RPRD2: variants seen among roughly 807,000 people sequenced by gnomAD.
RPRD2 encodes regulation of nuclear pre-mRNA domain-containing protein 2.
RPRD2 carries 12 observed loss-of-function variants against 104.4 expected under a neutral mutation model. That is an observed-to-expected ratio of 0.11 (90% confidence interval 0.07 to 0.19). The LOEUF is 0.19. Among genes scored for constraint, RPRD2 ranks in the 10% least tolerant of loss-of-function variants. The pLI is 1.00. For missense variants in RPRD2, 1,543 were observed against 1,790.1 expected, an observed-to-expected ratio of 0.86 and a Z score of 2.49; for synonymous variants, 714 against 684.9, an observed-to-expected ratio of 1.04 and a Z score of -0.66.
Position 150,417,737 on chromosome 1 carries a change from T to C in RPRD2, c.335+12T>C, listed in dbSNP as rs782740895. 3 of 1,580,406 alleles carry C rather than the reference T, an allele frequency of 1.9e-6. No homozygotes were observed. Among genetic ancestry groups the C allele is most frequent in the South Asian group, 1.2e-5 (1 of 86,886 alleles). ...GCTGCTCTAGTGAAGTAAGTAAATC[T>C]TTATTGCTCTATGGGATCTAAACTT... On this transcript the variant is annotated intron_variant, in intron 2 of 10. Coordinates refer to ENST00000369068, the MANE Select transcript of RPRD2 (RefSeq NM_015203.5).
intron 9 of RPRD2, among the ~76,000 whole-genome samples, chr1:150,462,344 C>G (rs949060932): frequency 4.6e-5 from 7 of 151,734 alleles, no homozygotes; most frequent in Non-Finnish European, 1.0e-4. Context: ...ACTCATAAGG[C>G]TGAGGCATAA....
chr1:150,377,383 G>C (rs1264457897), intron 1 of RPRD2, among the ~76,000 whole-genome samples: 1 of 151,948 alleles, frequency 6.6e-6, no homozygotes, highest in South Asian at 2.1e-4. Flanking sequence ...GGCGGATCAC[G>C]AGGTCAGGAG....
chr1:150,464,311 T>TA (rs1668123752), intron 9 of RPRD2, among the ~76,000 whole-genome samples: 1 of 151,598 alleles, frequency 6.6e-6, no homozygotes, highest in Non-Finnish European at 1.5e-5. Flanking sequence ...GCCCGGCCAA[T>TA]ACTTGTTTGT....
chr1:150,446,833 C>CGTT (rs1553895589), intron 7 of RPRD2, among the ~76,000 whole-genome samples: 2 of 127,512 alleles, frequency 1.6e-5, no homozygotes, highest in African/African-American at 6.0e-5. Flanking sequence ...AGACCTGGGT[C>CGTT]TTTTTTTTTT....
chr1:150,411,788 CAAAAAAAAAAAAAA>C lies in RPRD2; in HGVS notation c.206-5793_206-5780del, dbSNP rs71086508. Among the ~76,000 whole-genome samples, 86 of 70,684 alleles carry C rather than the reference CAAAAAAAAAAAAAA, an allele frequency of 1.2e-3. 1 individual carries two copies. The highest frequency in any genetic ancestry group is 4.2e-3 in the South Asian group (10 of 2,406). The allele number at this position is 70,684 out of a possible 152,430, so 46.4% of individuals were successfully genotyped here. On this transcript the variant is annotated intron_variant, in intron 1 of 10. Transcript: ENST00000369068. The stretch of plus-strand genomic sequence containing the variant: ...CCTGGACGACAGAGCTAGACTGTCT[CAAAAAAAAAAAAAA>C]AAAAAAAAAAAAAACGAAACAAACA...
chr1:150,369,647 T>C, intron 1 of RPRD2, among the ~76,000 whole-genome samples: 1 of 144,254 alleles, frequency 6.9e-6, no homozygotes, highest in African/African-American at 2.5e-5. Context: ...TTTTTTGTAT[T>C]TTTAGTAGAG....
intron 1 of RPRD2, among the ~76,000 whole-genome samples, chr1:150,414,524 A>G (rs698919): frequency 0.33 from 49,889 of 152,002 alleles, 8,899 homozygotes; most frequent in Non-Finnish European, 0.4. Flanking sequence ...GATCACGGCC[A>G]GACTGGCTAC....
chr1:150,374,064 G>T (rs956411373), intron 1 of RPRD2, among the ~76,000 whole-genome samples: 1 of 152,182 alleles, frequency 6.6e-6, no homozygotes, highest in African/African-American at 2.4e-5. Context: ...GCCTAAGGAT[G>T]GGGGCTGGTC....
intron 9 of RPRD2, among the ~76,000 whole-genome samples, chr1:150,460,822 A>G (rs1667884919): frequency 6.7e-6 from 1 of 149,868 alleles, no homozygotes; most frequent in Non-Finnish European, 1.5e-5. Context: ...TCCATCTCCC[A>G]GGTTCAAGCA....
rs56743462 is a variant in RPRD2 at position 150,373,533 on chromosome 1, C to CTTTTTTTTTTTTTTTT, written c.205+8620_205+8635dup. Reference sequence around the variant, plus strand: ...AGAGGAGGAGAATAATCAAGAATGACTTTTTTTTTTTTTTTTTTTTTAGCT... The same window carrying CTTTTTTTTTTTTTTTT: ...AGAGGAGGAGAATAATCAAGAATGACTTTTTTTTTTTTTTTTTTTTTTTTTTTTTTTTTTTTTAGCT... On this transcript the variant is annotated intron_variant, in intron 1 of 10. Coordinates refer to ENST00000369068, the MANE Select transcript of RPRD2 (RefSeq NM_015203.5). 4.1e-5 allele frequency among the ~76,000 whole-genome samples: 4 copies of CTTTTTTTTTTTTTTTT among 97,418 alleles called. 1 individual carries two copies. The highest frequency in any genetic ancestry group is 7.7e-5 in the African/African-American group (2 of 26,132). 63.9% of individuals were successfully genotyped at this position (97,418 alleles called of 152,430 possible). A position where few individuals can be genotyped will look rare whatever the true frequency, so the allele number is the denominator to read the frequency against.
At chr1:150,389,106 A>G (rs1661865373) in intron 1 of RPRD2, among the ~76,000 whole-genome samples, 2 of 152,074 alleles carry the variant, frequency 1.3e-5, no homozygotes, top group Admixed American at 1.3e-4. Flanking sequence ...GTACAATCAC[A>G]GCTCACTGCA....
intron 2 of RPRD2, among the ~76,000 whole-genome samples, chr1:150,433,508 A>G (rs913457047): frequency 2.3e-4 from 31 of 133,854 alleles, no homozygotes; most frequent in East Asian, 4.2e-4. Flanking sequence ...GCAGTGGCGC[A>G]ATCTCAGCTC....
At chr1:150,438,523 G>A (rs1021532496) in intron 2 of RPRD2, among the ~76,000 whole-genome samples, 5 of 151,824 alleles carry the variant, frequency 3.3e-5, no homozygotes, top group East Asian at 1.9e-4. Context: ...CAGCTACCCC[G>A]GAGGCGGAGG....
intron 10 of RPRD2, among the ~76,000 whole-genome samples, chr1:150,469,435 C>T (rs1053607197): frequency 6.6e-6 from 1 of 152,042 alleles, no homozygotes; most frequent in Non-Finnish European, 1.5e-5. Flanking sequence ...CACCATCATG[C>T]CCAGCTGATT....
rs192166612 is a variant in RPRD2 at position 150,379,561 on chromosome 1, C to A, written c.205+14642C>A. On this transcript the variant is annotated intron_variant, in intron 1 of 10. Coordinates refer to ENST00000369068, the MANE Select transcript of RPRD2 (RefSeq NM_015203.5). ...GGGATTACAGGCATGTGCCACCATG[C>A]CCGGCTAATTTTGTATTTTTAGTAG... Among the ~76,000 whole-genome samples, 20 of 152,102 alleles carry A rather than the reference C, an allele frequency of 1.3e-4. No homozygotes were observed. In the East Asian group the frequency reaches 2.6e-3, roughly 19 times the overall value.
intron 9 of RPRD2, among the ~76,000 whole-genome samples, chr1:150,462,790 C>T (rs989060127): frequency 1.3e-5 from 2 of 152,122 alleles, no homozygotes; most frequent in Non-Finnish European, 2.9e-5. Flanking sequence ...CTCCTGACCT[C>T]GTGATCTGCT....
chr1:150,377,218 AAG>A (rs1398337895), intron 1 of RPRD2, among the ~76,000 whole-genome samples: 1 of 152,080 alleles, frequency 6.6e-6, no homozygotes, highest in Non-Finnish European at 1.5e-5. Flanking sequence ...CAGAAAAAAA[AAG>A]AAAAAAAGAA....
At position 150,473,033 on chromosome 1, in the gene RPRD2, T is replaced by C. The variant is rs1668702612; in HGVS notation, c.4085T>C (p.Leu1362Pro). The change falls in exon 11 of 11, where the codon CTT (leucine) becomes CCT (proline). Residue 1362 changes from leucine (L) to proline (P), a missense_variant. Physicochemically the swap from Leu to Pro is moderately conservative, Grantham distance 98. Coordinates refer to ENST00000369068, the MANE Select transcript of RPRD2 (RefSeq NM_015203.5). Reference protein sequence around the residue: ...PTQRDLNGPGLSRVRESLTLP... With the variant: ...PTQRDLNGPGPSRVRESLTLP... ...CAACGGGACCTCAACGGCCCTGGCCTTAGCCGTGTACGAGAGAGCCTCACC... is the reference window on the plus strand; with the variant it reads ...CAACGGGACCTCAACGGCCCTGGCCCTAGCCGTGTACGAGAGAGCCTCACC... 1.9e-6 allele frequency: 3 copies of C among 1,614,032 alleles called. No individual in the cohort carries two copies. The highest frequency in any genetic ancestry group is 2.2e-5 in the East Asian group (1 of 44,884).
chr1:150,476,310 A>G lies in RPRD2; in HGVS notation c.*2976A>G, dbSNP rs943598828. On this transcript the variant is annotated 3_prime_UTR_variant, in exon 11 of 11. Coordinates refer to ENST00000369068, the MANE Select transcript of RPRD2 (RefSeq NM_015203.5). ...GGCAGGATATTCACTCTCAATCCTG[A>G]AGTTACCGGTTCCTGCAGAATTGAG... 6.6e-6 allele frequency: 1 copy of G among 152,164 alleles called. No homozygotes were observed. Among genetic ancestry groups the G allele is most frequent in the Non-Finnish European group, 1.5e-5 (1 of 68,030 alleles). The allele number at this position is 152,164 out of a possible 1,614,324, so 9.4% of individuals were successfully genotyped here. A position where few individuals can be genotyped will look rare whatever the true frequency, so the allele number is the denominator to read the frequency against.
Sources: allele counts gnomAD v4.1 joint callset (sites outside exome capture counted in the v4.1 genomes callset), GRCh38; gene constraint gnomAD v4.1.1; transcripts MANE v1.5; gene names NCBI Gene and HGNC (gene_info 2026-07-23, HGNC 2026-07-21).